BAZ2B: variants seen among roughly 807,000 people sequenced by gnomAD.
The protein encoded by BAZ2B is bromodomain adjacent to zinc finger domain protein 2B.
In BAZ2B, 91 loss-of-function variants were observed where a neutral mutation model predicts 246.0. That is an observed-to-expected ratio of 0.37 (90% CI 0.31 to 0.44). BAZ2B has a LOEUF of 0.44. Among genes scored for constraint, BAZ2B ranks in the 20% least tolerant of loss-of-function variants. BAZ2B has a pLI of 1.00. For missense variants in BAZ2B, 2,332 were observed against 2,533.7 expected (o/e 0.92, Z 1.71); for synonymous variants, 855 against 860.0 (o/e 0.99, Z 0.10).
the BAZ2B span, among the ~76,000 whole-genome samples, chr2:159,686,570 T>C: frequency 6.6e-6 from 1 of 151,898 alleles, no homozygotes; most frequent in Non-Finnish European, 1.5e-5. Context: ...AGCAACTAAA[T>C]GCAATGTAGT....
At chr2:159,635,365 AT>A in the BAZ2B span, among the ~76,000 whole-genome samples, 26 of 150,814 alleles carry the variant, frequency 1.7e-4, no homozygotes, top group African/African-American at 5.5e-4. Context: ...TAAAAAAAAA[AT>A]AAAAATAAAA....
At chr2:159,405,146 C>G (rs1167286221) in intron 14 of BAZ2B, 32 bp from the exon 15 acceptor site, 5 of 1,585,772 alleles carry the variant, frequency 3.2e-6, no homozygotes, top group African/African-American at 2.7e-5. Flanking sequence ...AGAATATTAA[C>G]AACTTTGTGT....
intron 25 of BAZ2B, among the ~76,000 whole-genome samples, chr2:159,378,750 C>T (rs1429891989): frequency 6.6e-6 from 1 of 152,086 alleles, no homozygotes; most frequent in Non-Finnish European, 1.5e-5. Flanking sequence ...AATGAGATAT[C>T]ATCCCACACC....
At position 159,429,225 on chromosome 2, in the gene BAZ2B, C is replaced by G; in HGVS notation, c.2230G>C (p.Glu744Gln). ...SKRRRVTDER[E>Q]LRIPLEYGWQ... Reference sequence around the variant, plus strand: ...CCATATTCCAATGGAATACGCAGTTCACGTTCATCTGTTACTCTTCTTCTT... The same window carrying G: ...CCATATTCCAATGGAATACGCAGTTGACGTTCATCTGTTACTCTTCTTCTT... Residue 744 changes from glutamate to glutamine, a missense_variant, in exon 11 of 37, where the codon GAA becomes CAA. By Grantham distance (29) the Glu-to-Gln change is conservative. Coordinates refer to ENST00000392783, the MANE Select transcript of BAZ2B (RefSeq NM_013450.4). The G allele has an allele frequency of 6.4e-7, 1 of 1,561,056 alleles. No individual in the cohort carries two copies. The highest frequency in any genetic ancestry group is 8.7e-7 in the Non-Finnish European group (1 of 1,148,954).
At chr2:159,581,266 C>T (rs866650783) in intron 1 of BAZ2B, among the ~76,000 whole-genome samples, 13 of 152,010 alleles carry the variant, frequency 8.6e-5, no homozygotes, top group South Asian at 6.2e-4. Flanking sequence ...ACAAAGGATA[C>T]GAACAGACAC....
At chr2:159,381,647 C>T (rs2062007428) in intron 25 of BAZ2B, among the ~76,000 whole-genome samples, 1 of 152,166 alleles carries the variant, frequency 6.6e-6, no homozygotes, top group South Asian at 2.1e-4. Flanking sequence ...TGTTGCCCCA[C>T]CTTTTGTGTC....
At chr2:159,654,256 C>T in the BAZ2B span, among the ~76,000 whole-genome samples, 1 of 152,202 alleles carries the variant, frequency 6.6e-6, no homozygotes, top group Admixed American at 6.5e-5. Context: ...CCACCATAGC[C>T]TCTTTTCTTT....
chr2:159,432,447 GAA>G (rs925544999), intron 9 of BAZ2B, among the ~76,000 whole-genome samples: 1 of 152,172 alleles, frequency 6.6e-6, no homozygotes, highest in Non-Finnish European at 1.5e-5. Flanking sequence ...CAGAAGAAAT[GAA>G]AAAAGAGTGG....
chr2:159,653,326 C>T, the BAZ2B span, among the ~76,000 whole-genome samples: 2 of 152,118 alleles, frequency 1.3e-5, no homozygotes, highest in South Asian at 2.1e-4. Flanking sequence ...TCAATAAACA[C>T]GTGATATTAC....
intron 2 of BAZ2B, among the ~76,000 whole-genome samples, chr2:159,494,755 T>C (rs1292144096): frequency 6.6e-6 from 1 of 152,228 alleles, no homozygotes; most frequent in Non-Finnish European, 1.5e-5. Context: ...GTGATAATTA[T>C]ACAAACTTTA....
the BAZ2B span, among the ~76,000 whole-genome samples, chr2:159,659,742 A>G: frequency 1.3e-5 from 2 of 152,136 alleles, no homozygotes; most frequent in African/African-American, 4.8e-5. Flanking sequence ...CAAAACTGCA[A>G]CAGTTTTTCA....
chr2:159,315,794 T>C (rs2076666329), downstream of BAZ2B, among the ~76,000 whole-genome samples: 1 of 152,114 alleles, frequency 6.6e-6, no homozygotes, highest in Non-Finnish European at 1.5e-5. Flanking sequence ...CATACACAAG[T>C]CCATGTATTA....
In BAZ2B at chr2:159,432,836, T is replaced by C. The variant is rs2150189070; in HGVS notation, c.1821A>G (p.Ser607=). The change falls in exon 9 of 37, where the codon TCA becomes TCG. Residue 607 remains serine, a synonymous_variant. Coordinates refer to ENST00000392783, the MANE Select transcript of BAZ2B (RefSeq NM_013450.4). ...CATCATCTTCCTCTTCATCCTCATT[T>C]GAATCTTCAGAATCTTTACTACTGG... The part of the protein sequence containing the change: ...DIPSSKDSED[S]NEDEEEDDEE... 1 of 1,614,164 alleles carries C rather than the reference T, an allele frequency of 6.2e-7. No homozygotes were observed. Among genetic ancestry groups the C allele is most frequent in the East Asian group, 2.2e-5 (1 of 44,886 alleles).
intron 1 of BAZ2B, among the ~76,000 whole-genome samples, chr2:159,613,107 AAATAAAC>A (rs1282205890): frequency 2.0e-5 from 3 of 152,184 alleles, no homozygotes; most frequent in Admixed American, 2.0e-4. Context: ...TAAAAATTGT[AAATAAAC>A]AATATTCAAG....
intron 1 of BAZ2B, among the ~76,000 whole-genome samples, chr2:159,576,827 C>T (rs1285269260): frequency 2.7e-5 from 4 of 148,016 alleles, no homozygotes; most frequent in Non-Finnish European, 5.9e-5. Flanking sequence ...GCAGGAGAAT[C>T]GCTTGAACCC....
chr2:159,629,625 G>C, the BAZ2B span, among the ~76,000 whole-genome samples: 2 of 151,758 alleles, frequency 1.3e-5, no homozygotes, highest in Non-Finnish European at 1.5e-5. Context: ...GTTGAACAAT[G>C]AGAACACATG....
At position 159,438,693 on chromosome 2, in the gene BAZ2B, C is replaced by T; in HGVS notation, c.903G>A (p.Val301=). 6.3e-7 allele frequency: 1 copy of T among 1,576,290 alleles called. No individual in the cohort carries two copies. ...TTGGGTCTGAAATACCATGTAATAGCACCTAGATATAAAAATGAAAAGGTA... is the reference window on the plus strand; with the variant it reads ...TTGGGTCTGAAATACCATGTAATAGTACCTAGATATAAAAATGAAAAGGTA... The part of the protein sequence containing the change: ...SEAQHKSNNQ[V]LLHGISDPKA... Residue 301 remains valine (V), a splice_region_variant and synonymous_variant, in exon 8 of 37, where the codon GTG becomes GTA. Coordinates refer to ENST00000392783, the MANE Select transcript of BAZ2B (RefSeq NM_013450.4).
At chr2:159,631,886 G>A in the BAZ2B span, among the ~76,000 whole-genome samples, 9 of 151,754 alleles carry the variant, frequency 5.9e-5, no homozygotes, top group African/African-American at 2.2e-4. Flanking sequence ...ATACATGTAT[G>A]TGTATATATA....
the BAZ2B span, among the ~76,000 whole-genome samples, chr2:159,697,169 C>A: frequency 6.6e-6 from 1 of 152,122 alleles, no homozygotes; most frequent in Non-Finnish European, 1.5e-5. Flanking sequence ...TTTGCCACTA[C>A]TTTAGCTCCC....
Sources: gnomAD v4.1 joint callset for allele counts (sites outside exome capture counted in the v4.1 genomes callset) on GRCh38, gnomAD v4.1.1 for gene constraint, MANE v1.5 for transcripts, NCBI Gene and HGNC (gene_info 2026-07-23, HGNC 2026-07-21) for gene names.